GAPVD1: variants seen among roughly 807,000 people sequenced by gnomAD.
GAPVD1 encodes the protein GTPase-activating protein and VPS9 domain-containing protein 1.
A neutral mutation model predicts 155.5 loss-of-function variants in GAPVD1; 35 were observed. The ratio of observed to expected loss-of-function variants is 0.23; its 90% CI spans 0.17 to 0.30. GAPVD1 has a LOEUF of 0.30. GAPVD1 is among the 10% of genes least tolerant of loss of function. The pLI is 1.00. For missense variants in GAPVD1, 1,429 were observed against 1,775.7 expected (o/e 0.80, Z 3.51); for synonymous variants, 636 against 619.7 (o/e 1.03, Z -0.39).
intron 2 of GAPVD1, among the ~76,000 whole-genome samples, chr9:125,272,876 T>G (rs10986677): frequency 0.019 from 2,836 of 152,258 alleles, 115 homozygotes; most frequent in East Asian, 0.087. Context: ...GAAACAGGCT[T>G]TACCAGTATT....
chr9:125,297,422 A>G (rs1564322157), intron 3 of GAPVD1, among the ~76,000 whole-genome samples: 1 of 152,154 alleles, frequency 6.6e-6, no homozygotes, highest in Non-Finnish European at 1.5e-5. Context: ...TATATTTTCT[A>G]TTTTAGAAGG....
intron 23 of GAPVD1, among the ~76,000 whole-genome samples, chr9:125,352,009 G>A (rs745857221): frequency 6.6e-6 from 1 of 152,174 alleles, no homozygotes. Flanking sequence ...CCAAAGTGCT[G>A]GGATTACAGG....
Position 125,323,031 on chromosome 9 carries a change from C to T in GAPVD1, c.1733-767C>T, listed in dbSNP as rs1369166175. On this transcript the variant is annotated intron_variant, in intron 10 of 27. Coordinates refer to ENST00000297933, the MANE Select transcript of GAPVD1 (RefSeq NM_001282680.3). ...TGGTGCCACTGCATTCCAGCTTGGA[C>T]GATAGAGCGAGACTCTCTCTAAAAA... is the stretch of plus-strand genomic sequence containing the variant. Among the ~76,000 whole-genome samples, 3 of 133,166 alleles carry T rather than the reference C, an allele frequency of 2.3e-5. No individual in the cohort carries two copies. The Admixed American group carries it at 2.5e-4, about 11-fold the overall frequency. 87.4% of individuals were successfully genotyped at this position (133,166 alleles called of 152,430 possible).
In GAPVD1 at chr9:125,298,633, C is replaced by T. The variant is rs114122149; in HGVS notation, c.-32-257C>T. On this transcript the variant is annotated intron_variant, in intron 3 of 27. Transcript: ENST00000297933. ...CCTTCTGAGTAGCCGGGACTACAGG[C>T]GCGCCCCACCGCACCTGGCTAATTT... Among the ~76,000 whole-genome samples the T allele has an allele frequency of 1.7e-3, 263 of 151,622 alleles. 1 individual carries two copies. Among genetic ancestry groups the T allele is most frequent in the African/African-American group, 5.8e-3 (241 of 41,394 alleles).
rs1262549506 is a variant in GAPVD1, at chr9:125,312,433, A to G, written c.1442-19A>G. 8 of 1,504,648 alleles carry G rather than the reference A, an allele frequency of 5.3e-6. No individual in the cohort carries two copies. In the African/African-American group the frequency reaches 1.1e-4, roughly 21 times the overall value. 93.2% of individuals were successfully genotyped at this position (1,504,648 alleles called of 1,614,324 possible). On this transcript the variant is annotated intron_variant, in intron 8 of 27. Transcript: ENST00000297933. ...TTTGTCTATTTCTCTAAATTATTTT[A>G]TTTGAAATTTTTTATTAGCAACTCG...
intron 11 of GAPVD1, among the ~76,000 whole-genome samples, chr9:125,325,218 CTGAT>C (rs1844942694): frequency 6.7e-6 from 1 of 148,274 alleles, no homozygotes; most frequent in Admixed American, 6.8e-5. Flanking sequence ...GAGTGAGACT[CTGAT>C]TGAAAAAAAA....
chr9:125,318,632 G>T (rs775190512), intron 9 of GAPVD1, among the ~76,000 whole-genome samples: 10 of 152,158 alleles, frequency 6.6e-5, no homozygotes, highest in Non-Finnish European at 1.2e-4. Context: ...AAATATTTAT[G>T]TTGGCCAGTT....
At chr9:125,301,390 C>G (rs1362951922) in intron 4 of GAPVD1, among the ~76,000 whole-genome samples, 1 of 151,956 alleles carries the variant, frequency 6.6e-6, no homozygotes, top group African/African-American at 2.4e-5. Flanking sequence ...TTAATTTAAT[C>G]CATAAGAGGG....
chr9:125,330,868 A>C (rs564701992), intron 13 of GAPVD1, among the ~76,000 whole-genome samples: 1 of 152,316 alleles, frequency 6.6e-6, no homozygotes, highest in East Asian at 1.9e-4. Context: ...ACACAGTTCA[A>C]ACTGAGTGCT....
rs1564428208 is a variant in GAPVD1, at chr9:125,337,526, A to G, written c.2812A>G (p.Thr938Ala). ...CCCTCCAGCTGCAGCCATTGGTGCT[A>G]CTTCTTTGGTGGCTGCACCTCATTC... Reference protein sequence around the residue: ...ELPPAAAIGATSLVAAPHSSS... With the variant: ...ELPPAAAIGAASLVAAPHSSS... Residue 938 changes from threonine to alanine, a missense_variant, in exon 17 of 28, where the codon ACT (threonine) becomes GCT (alanine). Physicochemically the swap from Thr to Ala is moderately conservative, Grantham distance 58. Coordinates refer to ENST00000297933, the MANE Select transcript of GAPVD1 (RefSeq NM_001282680.3). 7 of 1,613,850 alleles carry G rather than the reference A, an allele frequency of 4.3e-6. No individual in the cohort carries two copies. The highest frequency in any genetic ancestry group is 2.7e-5 in the African/African-American group (2 of 74,934).
intron 23 of GAPVD1, among the ~76,000 whole-genome samples, chr9:125,351,687 C>T (rs952838645): frequency 2.6e-5 from 4 of 151,990 alleles, no homozygotes; most frequent in Admixed American, 2.6e-4. Flanking sequence ...CCTTTGACTC[C>T]GTGGCTCACA....
At chr9:125,271,555 A>AT (rs899349434) in intron 2 of GAPVD1, among the ~76,000 whole-genome samples, 3 of 151,560 alleles carry the variant, frequency 2.0e-5, no homozygotes, top group Non-Finnish European at 4.4e-5. Flanking sequence ...TTATTTTTTT[A>AT]TTTTTTATTT....
At chr9:125,332,460 T>G (rs1564414297) in intron 14 of GAPVD1, 50 bp from the exon 15 acceptor site, 3 of 1,435,658 alleles carry the variant, frequency 2.1e-6, no homozygotes, top group Non-Finnish European at 1.9e-6. Flanking sequence ...ACTTTTTGTG[T>G]GGATATTTTG....
intron 12 of GAPVD1, among the ~76,000 whole-genome samples, chr9:125,329,140 G>C (rs956227118): frequency 2.6e-5 from 4 of 152,016 alleles, no homozygotes; most frequent in African/African-American, 7.3e-5. Context: ...AGGGAGAGGT[G>C]TAAATAGATT....
rs150759057 is a variant in GAPVD1, at chr9:125,364,610, A to T, written c.*1864A>T. ...TTACTTTACAATACCAAAATAACAAATTGCATAGGAGTGTGGGATGTGGTT... is the reference window on the plus strand; with the variant it reads ...TTACTTTACAATACCAAAATAACAATTTGCATAGGAGTGTGGGATGTGGTT... On this transcript the variant is annotated 3_prime_UTR_variant, in exon 28 of 28. Coordinates refer to ENST00000297933, the MANE Select transcript of GAPVD1 (RefSeq NM_001282680.3). 6.6e-6 allele frequency: 1 copy of T among 152,346 alleles called. No homozygotes were observed. Among genetic ancestry groups the T allele is most frequent in the Non-Finnish European group, 1.5e-5 (1 of 68,034 alleles). The allele number at this position is 152,346 out of a possible 1,614,324, so 9.4% of individuals were successfully genotyped here.
intron 2 of GAPVD1, among the ~76,000 whole-genome samples, chr9:125,279,976 G>A (rs1418348856): frequency 2.8e-5 from 4 of 143,730 alleles, no homozygotes; most frequent in Non-Finnish European, 5.9e-5. Flanking sequence ...TGGCCAGGCT[G>A]GTCTTGAACT....
chr9:125,317,418 G>A (rs570963558), intron 9 of GAPVD1, among the ~76,000 whole-genome samples: 20 of 151,868 alleles, frequency 1.3e-4, no homozygotes, highest in African/African-American at 4.8e-4. Context: ...CTGAAGTTGG[G>A]AGTTTGAGAC....
intron 4 of GAPVD1, among the ~76,000 whole-genome samples, chr9:125,299,425 A>G (rs1323641102): frequency 2.0e-5 from 3 of 152,184 alleles, no homozygotes; most frequent in Admixed American, 1.3e-4. Context: ...TGGGAGGCCA[A>G]GGCGGGTGGA....
intron 25 of GAPVD1, among the ~76,000 whole-genome samples, chr9:125,359,208 C>T (rs1850560841): frequency 6.6e-6 from 1 of 152,170 alleles, no homozygotes; most frequent in South Asian, 2.1e-4. Flanking sequence ...AGACTCCCTC[C>T]CCTCCCTGCA....
Sources: allele counts gnomAD v4.1 joint callset (sites outside exome capture counted in the v4.1 genomes callset), GRCh38; gene constraint gnomAD v4.1.1; transcripts MANE v1.5; gene names NCBI Gene and HGNC (gene_info 2026-07-23, HGNC 2026-07-21).